Variants in CENPN observed in about 807,000 individuals in gnomAD.
The protein encoded by CENPN is centromere protein N.
A neutral mutation model predicts 48.6 loss-of-function variants in CENPN; 36 were observed. The observed-to-expected ratio is 0.74, with a 90% confidence interval of 0.57 to 0.98. The LOEUF (loss-of-function observed/expected upper bound fraction) is 0.98. Among genes scored for constraint, CENPN ranks in the 50% least tolerant of loss-of-function variants. The pLI, the probability that CENPN is intolerant of heterozygous loss-of-function variation, is 0.00. For synonymous variants in CENPN, 166 were observed against 135.2 expected, an observed-to-expected ratio of 1.23 and a Z score of -1.58; for missense variants, 439 against 399.2, an observed-to-expected ratio of 1.10 and a Z score of -0.85.
intron 3 of CENPN, among the ~76,000 whole-genome samples, chr16:81,015,983 G>A (rs1229481805): frequency 6.7e-6 from 1 of 149,466 alleles, no homozygotes; most frequent in African/African-American, 2.5e-5. Context: ...CCAGCCTGGC[G>A]ACACCGTGAG....
intron 7 of CENPN, 91 bp downstream of exon 7, chr16:81,022,789 A>G: frequency 6.2e-7 from 1 of 1,614,044 alleles, no homozygotes; most frequent in Non-Finnish European, 8.5e-7. Context: ...TACCTCCGAC[A>G]AGAGGAGATC....
Position 81,030,036 on chromosome 16 carries a change from A to G in CENPN, c.*1385A>G, listed in dbSNP as rs532044086. Among the ~76,000 whole-genome samples, 66 of 152,278 alleles carry G rather than the reference A, an allele frequency of 4.3e-4. 1 individual carries two copies. The highest frequency in any genetic ancestry group is 2.3e-3 in the East Asian group (12 of 5,178). ...GGCAGGCAAGAGAGCTTGTGCAGGG[A>G]AACTCCCATTTATAAAACCACCAGA... On this transcript the variant is annotated 3_prime_UTR_variant, in exon 11 of 11. Transcript: ENST00000305850.
In CENPN at chr16:81,014,972, G is replaced by C. The variant is rs1487987214; in HGVS notation, c.217+791G>C. Among the ~76,000 whole-genome samples the C allele has an allele frequency of 2.0e-5, 3 of 152,202 alleles. No homozygotes were observed. The East Asian group carries it at 5.8e-4, about 29-fold the overall frequency. ...CTCTGTTGGATGATTTTGCTCAACT[G>C]TAGGCTAATGTAAGTGCTCTGAGCA... On this transcript the variant is annotated intron_variant, in intron 3 of 10. Transcript: ENST00000305850.
At chr16:81,027,078 G>A (rs964949921) in intron 9 of CENPN, among the ~76,000 whole-genome samples, 2 of 152,064 alleles carry the variant, frequency 1.3e-5, no homozygotes, top group Non-Finnish European at 2.9e-5. Flanking sequence ...GATTACAGAC[G>A]TGAGCCACTG....
At chr16:81,027,064 T>A (rs569783088) in intron 9 of CENPN, among the ~76,000 whole-genome samples, 14 of 152,132 alleles carry the variant, frequency 9.2e-5, no homozygotes, top group South Asian at 8.3e-4. Flanking sequence ...TCCCAAGGTG[T>A]TGGGATTACA....
chr16:81,012,127 T>C lies in CENPN; in HGVS notation c.171+17T>C. 1 of 1,611,660 alleles carries C rather than the reference T, an allele frequency of 6.2e-7. No homozygotes were observed. Among genetic ancestry groups the C allele is most frequent in the Non-Finnish European group, 8.5e-7 (1 of 1,178,134 alleles). ...CTGTGTGAGGTAACAGTGTTAAAAA[T>C]GATGAGCCTTGAACAGAGTGCTACC... On this transcript the variant is annotated intron_variant, in intron 2 of 10. Coordinates refer to ENST00000305850, the MANE Select transcript of CENPN (RefSeq NM_001100624.3).
At chr16:81,010,192 T>C (rs1969684638) in intron 1 of CENPN, among the ~76,000 whole-genome samples, 1 of 152,280 alleles carries the variant, frequency 6.6e-6, no homozygotes, top group East Asian at 1.9e-4. Flanking sequence ...AGTGAGACTC[T>C]ATCTCAAATG....
At chr16:81,032,898 G>A, downstream of CENPN, 4 of 476,812 alleles carry the variant, frequency 8.4e-6, no homozygotes, top group African/African-American at 2.0e-5. Flanking sequence ...AGACACAGGT[G>A]CTTCTAGCTC....
intron 3 of CENPN, 130 bp from the exon 4 acceptor site, chr16:81,017,196 T>A: frequency 3.1e-6 from 2 of 643,838 alleles, no homozygotes; most frequent in Non-Finnish European, 5.4e-6. Flanking sequence ...ATATTTTGAA[T>A]ACAAATCTGT....
At chr16:81,013,826 G>A (rs892334933) in intron 2 of CENPN, among the ~76,000 whole-genome samples, 1 of 152,100 alleles carries the variant, frequency 6.6e-6, no homozygotes, top group African/African-American at 2.4e-5. Context: ...AAGTCAAAAT[G>A]TATCAAATTG....
In CENPN at chr16:81,029,092, C is replaced by G. The variant is rs766525845; in HGVS notation, c.*441C>G. 7.1e-6 allele frequency: 7 copies of G among 985,866 alleles called. No homozygotes were observed. The highest frequency in any genetic ancestry group is 8.4e-6 in the Non-Finnish European group (7 of 830,304). 61.1% of individuals were successfully genotyped at this position (985,866 alleles called of 1,614,324 possible). A position where few individuals can be genotyped will look rare whatever the true frequency, so the allele number is the denominator to read the frequency against. On this transcript the variant is annotated 3_prime_UTR_variant, in exon 11 of 11. Transcript: ENST00000305850. ...GAGAGAAGCAACAAGGAACTATACT[C>G]AACTCAAAACTTTTTAGGAGAATCA...
intron 3 of CENPN, 89 bp downstream of exon 3, chr16:81,014,270 T>C (rs1969852550): frequency 2.7e-6 from 3 of 1,116,468 alleles, no homozygotes; most frequent in Non-Finnish European, 4.1e-6. Flanking sequence ...GGTCTCCCTC[T>C]GTCGCCCAGG....
At position 81,017,849 on chromosome 16, in the gene CENPN, C is replaced by T. The variant is rs751571041; in HGVS notation, c.354+15C>T. 1.4e-6 allele frequency: 2 copies of T among 1,397,704 alleles called. No individual in the cohort carries two copies. The highest frequency in any genetic ancestry group is 1.2e-5 in the South Asian group (1 of 80,360). The allele number at this position is 1,397,704 out of a possible 1,614,324, so 86.6% of individuals were successfully genotyped here. Reference sequence around the variant, plus strand: ...CATTAAAAAATGTAAGAATAAAATTCATCTTTTACATAAAATTCAATGTCA... The same window carrying T: ...CATTAAAAAATGTAAGAATAAAATTTATCTTTTACATAAAATTCAATGTCA... On this transcript the variant is annotated intron_variant, in intron 5 of 10. Transcript: ENST00000305850.
chr16:81,022,797 A>T, intron 7 of CENPN, 99 bp downstream of exon 7: 1 of 1,613,830 alleles, frequency 6.2e-7, no homozygotes, highest in Non-Finnish European at 8.5e-7. Flanking sequence ...ACAAGAGGAG[A>T]TCATTTTAGA....
At chr16:81,028,133 AAT>A (rs765285240) in intron 9 of CENPN, 36 bp from the exon 10 acceptor site, 13 of 1,433,308 alleles carry the variant, frequency 9.1e-6, no homozygotes, top group African/African-American at 1.4e-5. Flanking sequence ...GTATTTATAC[AAT>A]ATGTTTAATA....
intron 3 of CENPN, among the ~76,000 whole-genome samples, chr16:81,014,871 T>C (rs1485452527): frequency 2.0e-5 from 3 of 152,216 alleles, no homozygotes; most frequent in Non-Finnish European, 2.9e-5. Flanking sequence ...TGAGTTCCTA[T>C]ACAACCATTC....
intron 3 of CENPN, among the ~76,000 whole-genome samples, chr16:81,015,041 G>A (rs1969883592): frequency 6.6e-6 from 1 of 152,198 alleles, no homozygotes; most frequent in Admixed American, 6.5e-5. Flanking sequence ...TGAAGGTTAG[G>A]TGAATTATTT....
chr16:81,017,517 A>AG (rs1203362022), intron 4 of CENPN, 132 bp downstream of exon 4: 1 of 711,802 alleles, frequency 1.4e-6, no homozygotes, highest in Non-Finnish European at 2.4e-6. Flanking sequence ...ATCCAAAAAA[A>AG]AAAAATAGCA....
At position 81,028,844 on chromosome 16, in the gene CENPN, C is replaced by T. The variant is rs575031262; in HGVS notation, c.*193C>T. 1.5e-6 allele frequency: 2 copies of T among 1,358,350 alleles called. No individual in the cohort carries two copies. The highest frequency in any genetic ancestry group is 1.9e-5 in the South Asian group (1 of 53,730). 84.1% of individuals were successfully genotyped at this position (1,358,350 alleles called of 1,614,324 possible). A position where few individuals can be genotyped will look rare whatever the true frequency, so the allele number is the denominator to read the frequency against. On this transcript the variant is annotated 3_prime_UTR_variant, in exon 11 of 11. Coordinates refer to ENST00000305850, the MANE Select transcript of CENPN (RefSeq NM_001100624.3). ...CGATATGCCTCCTCTCTCTGATATCCTGCTAACTGTAGCCGTTGTGGCATT... is the reference window on the plus strand; with the variant it reads ...CGATATGCCTCCTCTCTCTGATATCTTGCTAACTGTAGCCGTTGTGGCATT...
Sources: allele counts gnomAD v4.1 joint callset (sites outside exome capture counted in the v4.1 genomes callset), GRCh38; gene constraint gnomAD v4.1.1; transcripts MANE v1.5; gene names NCBI Gene and HGNC (gene_info 2026-07-23, HGNC 2026-07-21).